RBFOX1: variants seen among roughly 807,000 people sequenced by gnomAD.
RBFOX1 encodes the protein RNA binding protein fox-1 homolog 1.
In RBFOX1, 8 loss-of-function variants were observed where a neutral mutation model predicts 57.7. The ratio of observed to expected loss-of-function variants is 0.14; its 90% CI spans 0.08 to 0.25. The LOEUF (loss-of-function observed/expected upper bound fraction) is 0.25. Ranked by LOEUF, RBFOX1 falls within the 10% of genes least tolerant of loss-of-function variation. RBFOX1 has a pLI of 1.00. For missense variants in RBFOX1, 611 were observed against 548.5 expected, an observed-to-expected ratio of 1.11 and a Z score of -1.14; for synonymous variants, 326 against 222.4, an observed-to-expected ratio of 1.47 and a Z score of -4.15.
intron 3 of RBFOX1, among the ~76,000 whole-genome samples, chr16:6,750,960 G>A (rs12920222): frequency 0.72 from 108,753 of 151,922 alleles, 39,522 homozygotes; most frequent in Middle Eastern, 0.82. Context: ...GCAGAGGTCT[G>A]AGTGATATGA....
chr16:5,599,169 C>T, exon 3 of RBFOX1: 2 of 706,786 alleles, frequency 2.8e-6, no homozygotes, highest in Non-Finnish European at 5.1e-6. Flanking sequence ...GCCTCTGGTA[C>T]ATGGTGTGAG....
intron 1 of RBFOX1, among the ~76,000 whole-genome samples, chr16:5,370,609 C>T (rs1265193847): frequency 6.6e-6 from 1 of 152,114 alleles, no homozygotes; most frequent in Non-Finnish European, 1.5e-5. Flanking sequence ...CCTCCTGCCT[C>T]AGCCTCCTAA....
At chr16:6,748,570 G>T (rs1463086933) in intron 3 of RBFOX1, among the ~76,000 whole-genome samples, 1 of 152,144 alleles carries the variant, frequency 6.6e-6, no homozygotes, top group African/African-American at 2.4e-5. Context: ...GGCTGAAGTG[G>T]ATCTCTTGAG....
intron 2 of RBFOX1, among the ~76,000 whole-genome samples, chr16:6,592,566 C>T (rs573420862): frequency 2.6e-5 from 4 of 152,274 alleles, no homozygotes; most frequent in African/African-American, 9.6e-5. Flanking sequence ...TACAGGAGTC[C>T]ATATGCTGGC....
intron 4 of RBFOX1, among the ~76,000 whole-genome samples, chr16:7,071,905 C>G (rs930026532): frequency 3.3e-5 from 5 of 152,114 alleles, no homozygotes; most frequent in African/African-American, 1.2e-4. Context: ...AGAAGCTCAG[C>G]TGTTGCTCTT....
chr16:7,166,904 C>G (rs1404661350), intron 4 of RBFOX1, among the ~76,000 whole-genome samples: 1 of 144,858 alleles, frequency 6.9e-6, no homozygotes, highest in African/African-American at 2.6e-5. Flanking sequence ...TAGCCTTGCT[C>G]TCATTTGAGT....
In RBFOX1 at chr16:5,804,407, A is replaced by G. The variant is rs116035700; in HGVS notation, c.319-62896A>G. Among the ~76,000 whole-genome samples, 890 of 152,326 alleles carry G rather than the reference A, an allele frequency of 5.8e-3. 9 individuals carry two copies. The highest frequency in any genetic ancestry group is 0.02 in the African/African-American group (836 of 41,576). ...GAGTTTTTGTCTGTAATCCAGAAGG[A>G]CGTTAGTGAAATATCAAAAGAAAAC... On this transcript the variant is annotated intron_variant, in intron 3 of 19. Transcript: ENST00000641259.
chr16:6,858,328 G>T (rs1187147655), intron 3 of RBFOX1, among the ~76,000 whole-genome samples: 2 of 152,132 alleles, frequency 1.3e-5, no homozygotes, highest in Non-Finnish European at 2.9e-5. Flanking sequence ...TCTAGCTTAG[G>T]ATTTTCATCT....
chr16:6,381,714 G>A (rs1010744819), intron 2 of RBFOX1, among the ~76,000 whole-genome samples: 2 of 152,212 alleles, frequency 1.3e-5, no homozygotes, highest in Non-Finnish European at 2.9e-5. Context: ...CTGTGTGCTA[G>A]GCCAGGCATT....
intron 4 of RBFOX1, among the ~76,000 whole-genome samples, chr16:5,955,321 TAAAA>T (rs2059607341): frequency 4.0e-5 from 1 of 24,948 alleles, no homozygotes. Flanking sequence ...TAAAATAAAA[TAAAA>T]TAAAATAAAA....
intron 4 of RBFOX1, among the ~76,000 whole-genome samples, chr16:7,474,625 A>C (rs1418164589): frequency 2.0e-5 from 3 of 152,210 alleles, no homozygotes; most frequent in Non-Finnish European, 1.5e-5. Flanking sequence ...AATATTAAGG[A>C]GCCTGGCTCT....
chr16:7,075,303 C>T (rs952932751), intron 4 of RBFOX1, among the ~76,000 whole-genome samples: 1 of 152,172 alleles, frequency 6.6e-6, no homozygotes, highest in Non-Finnish European at 1.5e-5. Flanking sequence ...TTTTAGTTAA[C>T]AATTATTTAT....
intron 3 of RBFOX1, among the ~76,000 whole-genome samples, chr16:5,671,311 A>G (rs904787146): frequency 2.0e-5 from 3 of 152,354 alleles, no homozygotes; most frequent in Non-Finnish European, 2.9e-5. Flanking sequence ...GGGGAGAGAC[A>G]TGATCATCTT....
chr16:7,491,442 G>T (rs1021554056), intron 4 of RBFOX1, among the ~76,000 whole-genome samples: 1 of 151,398 alleles, frequency 6.6e-6, no homozygotes. Context: ...GGGAAGGCAG[G>T]ACTAGACACA....
intron 5 of RBFOX1, among the ~76,000 whole-genome samples, chr16:7,552,285 A>G (rs1417647142): frequency 1.3e-5 from 2 of 152,164 alleles, no homozygotes; most frequent in Non-Finnish European, 2.9e-5. Flanking sequence ...AGCTTTGATC[A>G]GCAGCTATAG....
At chr16:6,903,672 A>T (rs1340545215) in intron 3 of RBFOX1, among the ~76,000 whole-genome samples, 1 of 152,156 alleles carries the variant, frequency 6.6e-6, no homozygotes, top group Non-Finnish European at 1.5e-5. Context: ...TTTACCTAAA[A>T]AGAGATGCCT....
At chr16:6,458,484 C>T (rs1216850068) in intron 2 of RBFOX1, among the ~76,000 whole-genome samples, 1 of 152,152 alleles carries the variant, frequency 6.6e-6, no homozygotes, top group Non-Finnish European at 1.5e-5. Context: ...CAGAGATATA[C>T]CAGGTGCTAA....
chr16:5,794,403 T>G (rs570935296), intron 3 of RBFOX1, among the ~76,000 whole-genome samples: 1 of 152,252 alleles, frequency 6.6e-6, no homozygotes, highest in East Asian at 1.9e-4. Context: ...GAGGCCAAAT[T>G]CAATTATGTA....
chr16:7,265,015 C>A (rs942674921), intron 4 of RBFOX1, among the ~76,000 whole-genome samples: 1 of 152,242 alleles, frequency 6.6e-6, no homozygotes, highest in African/African-American at 2.4e-5. Flanking sequence ...ACCATAGGCT[C>A]TGGACTTCAA....
Sources: gnomAD v4.1 joint callset for allele counts (sites outside exome capture counted in the v4.1 genomes callset) on GRCh38, gnomAD v4.1.1 for gene constraint, MANE v1.5 for transcripts, NCBI Gene and HGNC (gene_info 2026-07-23, HGNC 2026-07-21) for gene names.